The following ANAPC11 variants were observed in gnomAD, a reference collection of about 807,000 sequenced individuals.
ANAPC11 encodes the protein anaphase promoting complex subunit 11, also known as anaphase-promoting complex subunit 11.
ANAPC11 carries 5 observed loss-of-function variants against 11.8 expected under a neutral mutation model. That is an observed-to-expected ratio of 0.42 (90% confidence interval 0.22 to 0.89). The LOEUF (loss-of-function observed/expected upper bound fraction) is 0.89. Among genes scored for constraint, ANAPC11 ranks in the 40% least tolerant of loss-of-function variants. ANAPC11 has a pLI of 0.28. For synonymous variants in ANAPC11, 45 were observed against 41.0 expected (o/e 1.10, Z -0.38); for missense variants, 68 against 112.9 (o/e 0.60, Z 1.80).
chr17:81,900,181 C>A lies in ANAPC11; in HGVS notation c.*116C>A. On this transcript the variant is annotated 3_prime_UTR_variant, in exon 4 of 4. Transcript: ENST00000344877. Reference sequence around the variant, plus strand: ...AACAAGGTGGAAACAAGGGCTGGAGCTGCGTTTGTTTTGCCATCACTATGT... The same window carrying A: ...AACAAGGTGGAAACAAGGGCTGGAGATGCGTTTGTTTTGCCATCACTATGT... The A allele has an allele frequency of 6.7e-7, 1 of 1,482,046 alleles. No homozygotes were observed. Among genetic ancestry groups the A allele is most frequent in the Non-Finnish European group, 9.1e-7 (1 of 1,098,186 alleles). The allele number at this position is 1,482,046 out of a possible 1,614,324, so 91.8% of individuals were successfully genotyped here. A position where few individuals can be genotyped will look rare whatever the true frequency, so the allele number is the denominator to read the frequency against.
At chr17:81,896,997 T>TTTTA (rs1038586593) in intron 3 of ANAPC11, among the ~76,000 whole-genome samples, 3 of 150,698 alleles carry the variant, frequency 2.0e-5, no homozygotes, top group South Asian at 2.1e-4. Flanking sequence ...GTATTTTTAT[T>TTTTA]TTTATTTATT....
At chr17:81,895,055 T>C (rs536662660) in intron 3 of ANAPC11, among the ~76,000 whole-genome samples, 44 of 138,412 alleles carry the variant, frequency 3.2e-4, no homozygotes, top group East Asian at 1.6e-3. Context: ...CTTTTCTTTT[T>C]TTTTTTTTTT....
chr17:81,894,351 C>A, intron 2 of ANAPC11, 116 bp from the exon 3 acceptor site: 1 of 480,400 alleles, frequency 2.1e-6, no homozygotes, highest in Non-Finnish European at 3.7e-6. Context: ...ATCTTCCTGC[C>A]TTGGCCCCCT....
intron 3 of ANAPC11, among the ~76,000 whole-genome samples, chr17:81,897,019 G>A (rs1482417310): frequency 6.6e-6 from 1 of 151,290 alleles, no homozygotes; most frequent in Non-Finnish European, 1.5e-5. Context: ...ATTTATTTTC[G>A]AGACAGAGTC....
Position 81,900,191 on chromosome 17 carries a change from T to G in ANAPC11, c.*126T>G. 7.0e-7 allele frequency: 1 copy of G among 1,431,810 alleles called. No individual in the cohort carries two copies. Among genetic ancestry groups the G allele is most frequent in the Non-Finnish European group, 9.4e-7 (1 of 1,058,436 alleles). 88.7% of individuals were successfully genotyped at this position (1,431,810 alleles called of 1,614,324 possible). ...AAACAAGGGCTGGAGCTGCGTTTGTTTTGCCATCACTATGTTGACACTTTT... is the reference window on the plus strand; with the variant it reads ...AAACAAGGGCTGGAGCTGCGTTTGTGTTGCCATCACTATGTTGACACTTTT... On this transcript the variant is annotated 3_prime_UTR_variant, in exon 4 of 4. Coordinates refer to ENST00000344877, the MANE Select transcript of ANAPC11 (RefSeq NM_001002248.3).
intron 2 of ANAPC11, among the ~76,000 whole-genome samples, chr17:81,893,991 G>T (rs752852805): frequency 2.0e-5 from 3 of 151,634 alleles, no homozygotes; most frequent in Non-Finnish European, 4.4e-5. Flanking sequence ...TAGAAACGGG[G>T]CTCATAGCAG....
At chr17:81,891,565 G>A, upstream of ANAPC11, 3 of 1,439,630 alleles carry the variant, frequency 2.1e-6, no homozygotes, top group Non-Finnish European at 2.7e-6. Context: ...GCCATGGCGG[G>A]CGCGGAATCG....
chr17:81,891,001 G>A (rs548786209), upstream of ANAPC11: 4 of 920,342 alleles, frequency 4.3e-6, no homozygotes, highest in South Asian at 5.1e-5. Context: ...TCCCACCGCG[G>A]CCGCACAACT....
upstream of ANAPC11, chr17:81,891,386 C>T (rs1189329421): frequency 1.3e-5 from 15 of 1,122,650 alleles, no homozygotes; most frequent in Non-Finnish European, 2.2e-6. Flanking sequence ...CGATGGCCGG[C>T]CGGTTCCGGA....
At chr17:81,890,962 T>C (rs2039511390), upstream of ANAPC11, 2 of 1,303,498 alleles carry the variant, frequency 1.5e-6, no homozygotes, top group Non-Finnish European at 1.0e-6. Context: ...CCTCCGGCGC[T>C]GCAGCTGCCC....
intron 2 of ANAPC11, 111 bp from the exon 3 acceptor site, chr17:81,894,356 C>T (rs781623610): frequency 4.1e-6 from 2 of 488,902 alleles, no homozygotes; most frequent in South Asian, 7.8e-5. Context: ...CCTGCCTTGG[C>T]CCCCTGAGTA....
chr17:81,894,360 CT>C (rs1487410035), intron 2 of ANAPC11, 106 bp from the exon 3 acceptor site: 2 of 511,396 alleles, frequency 3.9e-6, no homozygotes, highest in African/African-American at 3.9e-5. Flanking sequence ...CCTTGGCCCC[CT>C]GAGTAGCTGG....
At chr17:81,898,844 T>G (rs990403701) in intron 3 of ANAPC11, 1 of 220,650 alleles carries the variant, frequency 4.5e-6, no homozygotes, top group Non-Finnish European at 9.0e-6. Context: ...CGGCTTCGGG[T>G]GGGGAATGCA....
At chr17:81,894,112 C>A (rs2039649506) in intron 2 of ANAPC11, among the ~76,000 whole-genome samples, 1 of 151,806 alleles carries the variant, frequency 6.6e-6, no homozygotes, top group South Asian at 2.1e-4. Context: ...ACCTCGACTA[C>A]TAAAAATACA....
chr17:81,891,122 G>C (rs1037352249), upstream of ANAPC11: 7 of 636,196 alleles, frequency 1.1e-5, no homozygotes, highest in Non-Finnish European at 1.7e-5. Context: ...AAGGGTCTCA[G>C]CCTCCGGGAC....
intron 3 of ANAPC11, chr17:81,894,825 C>T (rs2039681381): frequency 2.5e-6 from 1 of 403,372 alleles, no homozygotes; most frequent in Non-Finnish European, 4.4e-6. Context: ...TCAAACGGTT[C>T]TCCTGCCTCA....
At chr17:81,899,462 G>A (rs370976498) in intron 3 of ANAPC11, 89 of 1,613,982 alleles carry the variant, frequency 5.5e-5, no homozygotes, top group East Asian at 4.5e-4. Flanking sequence ...TCAGATGCAC[G>A]TCTCCTTGGT....
At chr17:81,894,751 C>G in intron 3 of ANAPC11, 165 bp downstream of exon 3, 1 of 440,458 alleles carries the variant, frequency 2.3e-6, no homozygotes, top group Non-Finnish European at 3.9e-6. Flanking sequence ...GAGTTTCGAT[C>G]TTGTTTCCCA....
At position 81,892,549 on chromosome 17, in the gene ANAPC11, G is replaced by T. The variant is rs187115520; in HGVS notation, c.-75+708G>T. ...ATTTTTTTTTTTTTTTTTTGAGGCA[G>T]TCTCATTCTGTCGCCCAGGCTGGAG... On this transcript the variant is annotated intron_variant, in intron 1 of 3. Transcript: ENST00000344877. Among the ~76,000 whole-genome samples the T allele has an allele frequency of 2.0e-3, 268 of 135,612 alleles. 9 individuals carry two copies. The highest frequency in any genetic ancestry group is 8.1e-3 in the African/African-American group (261 of 32,290). 89.0% of individuals were successfully genotyped at this position (135,612 alleles called of 152,430 possible).
Sources: gnomAD v4.1 joint callset for allele counts (sites outside exome capture counted in the v4.1 genomes callset) on GRCh38, gnomAD v4.1.1 for gene constraint, MANE v1.5 for transcripts, NCBI Gene and HGNC (gene_info 2026-07-23, HGNC 2026-07-21) for gene names.